FARP2: variants seen among roughly 807,000 people sequenced by gnomAD.
FARP2 encodes the protein FERM, ARHGEF and pleckstrin domain-containing protein 2.
Under a neutral mutation model 130.5 loss-of-function variants are expected in FARP2, and 111 were observed. The ratio of observed to expected loss-of-function variants is 0.85; its 90% confidence interval spans 0.73 to 1.00. The LOEUF is 1.00. Among genes scored for constraint, FARP2 ranks in the 50% least tolerant of loss-of-function variants. FARP2 has a pLI of 0.00. For synonymous variants in FARP2, 504 were observed against 516.9 expected, an observed-to-expected ratio of 0.98 and a Z score of 0.34; for missense variants, 1,385 against 1,346.3, an observed-to-expected ratio of 1.03 and a Z score of -0.45.
At chr2:241,373,810 A>G (rs944500945) in intron 2 of FARP2, among the ~76,000 whole-genome samples, 2 of 152,204 alleles carry the variant, frequency 1.3e-5, no homozygotes, top group Non-Finnish European at 2.9e-5. Flanking sequence ...TTCTAGGTCA[A>G]TGATAATACA....
intron 9 of FARP2, among the ~76,000 whole-genome samples, chr2:241,432,925 C>T (rs1387204572): frequency 1.3e-5 from 2 of 152,174 alleles, no homozygotes; most frequent in Non-Finnish European, 2.9e-5. Flanking sequence ...AAAGCTTTGC[C>T]TACGCCTTTA....
intron 9 of FARP2, among the ~76,000 whole-genome samples, chr2:241,432,953 A>G (rs1023865212): frequency 5.9e-5 from 9 of 152,312 alleles, no homozygotes; most frequent in African/African-American, 2.2e-4. Context: ...CTTGAGTAGT[A>G]GGGCTTTTGG....
At chr2:241,493,270 CG>C in intron 25 of FARP2, 22 bp from the exon 26 acceptor site, 1 of 1,610,560 alleles carries the variant, frequency 6.2e-7, no homozygotes, top group Non-Finnish European at 8.5e-7. Flanking sequence ...CCCTGGAACC[CG>C]TGTCCCTATG....
At chr2:241,381,896 G>A (rs993608725) in intron 2 of FARP2, among the ~76,000 whole-genome samples, 6 of 152,148 alleles carry the variant, frequency 3.9e-5, no homozygotes, top group African/African-American at 9.7e-5. Context: ...CCTGCATGTC[G>A]AGCAAAGGCC....
At chr2:241,387,519 CGCAG>C (rs2061812906) in intron 2 of FARP2, among the ~76,000 whole-genome samples, 3 of 152,112 alleles carry the variant, frequency 2.0e-5, no homozygotes, top group Admixed American at 1.3e-4. Flanking sequence ...ATTGGCCAGA[CGCAG>C]TGGCTCATGC....
intron 20 of FARP2, 196 bp from the exon 21 acceptor site, chr2:241,484,046 A>T (rs989367487): frequency 4.4e-6 from 6 of 1,378,000 alleles, no homozygotes; most frequent in Middle Eastern, 2.4e-4. Flanking sequence ...CAGCAGATGC[A>T]CTGGTTCCTG....
At chr2:241,374,858 G>A (rs545977997) in intron 2 of FARP2, among the ~76,000 whole-genome samples, 1 of 152,350 alleles carries the variant, frequency 6.6e-6, no homozygotes, top group African/African-American at 2.4e-5. Context: ...TTTGAACCCT[G>A]AAGAGTAGCA....
At chr2:241,404,747 A>T (rs2062286352) in intron 3 of FARP2, 52 bp from the exon 4 acceptor site, 2 of 1,395,210 alleles carry the variant, frequency 1.4e-6, no homozygotes, top group Admixed American at 3.5e-5. Flanking sequence ...CATACTTGTT[A>T]AATAGAGACA....
intron 12 of FARP2, among the ~76,000 whole-genome samples, chr2:241,440,264 C>G (rs1169346077): frequency 6.6e-6 from 1 of 152,204 alleles, no homozygotes; most frequent in Non-Finnish European, 1.5e-5. Context: ...TGACCACACT[C>G]TTAACGATGT....
intron 17 of FARP2, chr2:241,465,449 T>A: frequency 6.5e-7 from 1 of 1,549,768 alleles, no homozygotes; most frequent in Non-Finnish European, 8.7e-7. Flanking sequence ...GCTCATAGGT[T>A]TTTCTTTCAG....
chr2:241,470,987 G>C (rs1238360914), intron 18 of FARP2, among the ~76,000 whole-genome samples: 1 of 151,574 alleles, frequency 6.6e-6, no homozygotes, highest in Non-Finnish European at 1.5e-5. Flanking sequence ...TGTTATTCTG[G>C]GGGGGACACT....
chr2:241,493,817 G>A (rs575283026), intron 26 of FARP2, 191 bp from the exon 27 acceptor site: 21 of 519,830 alleles, frequency 4.0e-5, no homozygotes, highest in South Asian at 1.4e-4. Context: ...GGCTGGTCTC[G>A]AACTCCTGAC....
chr2:241,476,342 A>G (rs1385959630), intron 19 of FARP2, among the ~76,000 whole-genome samples: 2 of 151,952 alleles, frequency 1.3e-5, no homozygotes, highest in African/African-American at 2.4e-5. Context: ...AGCCCTGATC[A>G]CAGCACTGCA....
chr2:241,406,629 G>A (rs187676967), intron 4 of FARP2, among the ~76,000 whole-genome samples: 161 of 151,544 alleles, frequency 1.1e-3, no homozygotes, highest in Non-Finnish European at 1.6e-3. Context: ...GGTTTTTTTG[G>A]GGGGGAGAGG....
chr2:241,435,162 C>T lies in FARP2; in HGVS notation c.1100+132C>T, dbSNP rs115206121. The T allele has an allele frequency of 2.9e-3, 1,500 of 521,346 alleles. 16 individuals carry two copies. The highest frequency in any genetic ancestry group is 0.025 in the African/African-American group (1,234 of 49,752). The allele number at this position is 521,346 out of a possible 1,614,324, so 32.3% of individuals were successfully genotyped here. A position where few individuals can be genotyped will look rare whatever the true frequency, so the allele number is the denominator to read the frequency against. Reference sequence around the variant, plus strand: ...AAGCTGGAATACAGTGGCATGATCACGGCTCACTGCAGCTTCAGACTCCTG... The same window carrying T: ...AAGCTGGAATACAGTGGCATGATCATGGCTCACTGCAGCTTCAGACTCCTG... On this transcript the variant is annotated intron_variant, in intron 11 of 26. Transcript: ENST00000264042.
At position 241,491,153 on chromosome 2, in the gene FARP2, G is replaced by C. The variant is rs151317700; in HGVS notation, c.2597G>C (p.Gly866Ala). 36 of 1,613,070 alleles carry C rather than the reference G, an allele frequency of 2.2e-5. No homozygotes were observed. In the African/African-American group the frequency reaches 4.4e-4, roughly 20 times the overall value. Residue 866 changes from glycine to alanine, a missense_variant, in exon 23 of 27, where the codon GGC becomes GCC. Transcript: ENST00000264042. ...SGGDTAPALP[G>A]RTVCTRPPRS... is the part of the protein sequence containing the mutation. ...GGTGACACGGCCCCTGCACTGCCAG[G>C]CCGCACTGTGTGCACTCGTCCCCCC...
At chr2:241,413,271 T>C in intron 6 of FARP2, 36 bp from the exon 7 acceptor site, 2 of 1,304,330 alleles carry the variant, frequency 1.5e-6, no homozygotes, top group East Asian at 4.9e-5. Flanking sequence ...TTGTAGTTTA[T>C]TTAAAAATTA....
At chr2:241,466,610 T>C (rs2150482906) in intron 17 of FARP2, 1 of 985,010 alleles carries the variant, frequency 1.0e-6, no homozygotes, top group African/African-American at 1.7e-5. Flanking sequence ...TGAGCCCAGC[T>C]TCCTGCATCC....
chr2:241,491,623 G>A lies in FARP2; in HGVS notation c.2731G>A (p.Val911Met), dbSNP rs749793872. The A allele has an allele frequency of 3.5e-5, 56 of 1,613,508 alleles. No homozygotes were observed. In the East Asian group the frequency reaches 6.2e-4, roughly 18 times the overall value. Residue 911 changes from valine to methionine, a missense_variant, in exon 24 of 27, where the codon GTG (valine) becomes ATG (methionine). By Grantham distance (21) the Val-to-Met change is conservative (BLOSUM62 1). Transcript: ENST00000264042. Reference sequence around the variant, plus strand: ...GCACCGGGCCAACACCACAATGCACGTGTGCTGGTACCGGAACACCAGCGT... The same window carrying A: ...GCACCGGGCCAACACCACAATGCACATGTGCTGGTACCGGAACACCAGCGT... ...GQHRANTTMH[V>M]CWYRNTSVSR...
Sources: gnomAD v4.1 joint callset for allele counts (sites outside exome capture counted in the v4.1 genomes callset) on GRCh38, gnomAD v4.1.1 for gene constraint, MANE v1.5 for transcripts, NCBI Gene and HGNC (gene_info 2026-07-23, HGNC 2026-07-21) for gene names.